TNFAIP8: variants seen among roughly 807,000 people sequenced by gnomAD.
TNFAIP8 encodes tumor necrosis factor alpha-induced protein 8.
Under a neutral mutation model 13.3 loss-of-function variants are expected in TNFAIP8, and 7 were observed. The ratio of observed to expected loss-of-function variants is 0.52; its 90% CI spans 0.30 to 0.99. The LOEUF (loss-of-function observed/expected upper bound fraction) is 0.99, where lower values mean the gene tolerates loss of function less well. Among genes scored for constraint, TNFAIP8 ranks in the 50% least tolerant of loss-of-function variants. The pLI is 0.07. For synonymous variants in TNFAIP8, 94 were observed against 87.6 expected (o/e 1.07, Z -0.41); for missense variants, 258 against 236.9 (o/e 1.09, Z -0.58).
At chr5:119,289,710 A>G (rs73250806) in intron 1 of TNFAIP8, among the ~76,000 whole-genome samples, 1,535 of 152,178 alleles carry the variant, frequency 0.01, 15 homozygotes, top group African/African-American at 0.035. Context: ...TCCAATGCCC[A>G]TTTACCACCT....
At chr5:119,365,038 G>T (rs539271377) in intron 1 of TNFAIP8, among the ~76,000 whole-genome samples, 1 of 151,958 alleles carries the variant, frequency 6.6e-6, no homozygotes, top group East Asian at 1.9e-4. Flanking sequence ...TTTTAGTAAA[G>T]ATGAAGTTTC....
chr5:119,355,243 G>C, upstream of TNFAIP8: 1 of 691,508 alleles, frequency 1.4e-6, no homozygotes, highest in Non-Finnish European at 2.6e-6. Flanking sequence ...AGTTTTTGCT[G>C]GTAGCCGGGA....
At chr5:119,328,369 T>A (rs906640920) in intron 1 of TNFAIP8, among the ~76,000 whole-genome samples, 10 of 152,190 alleles carry the variant, frequency 6.6e-5, no homozygotes, top group African/African-American at 2.4e-4. Context: ...AATAGCCACA[T>A]GGGTAAAACT....
At chr5:119,333,911 A>T (rs188075626) in intron 1 of TNFAIP8, among the ~76,000 whole-genome samples, 1 of 152,284 alleles carries the variant, frequency 6.6e-6, no homozygotes, top group Non-Finnish European at 1.5e-5. Context: ...ACAGATAAAG[A>T]TTTGAAATGT....
intron 1 of TNFAIP8, among the ~76,000 whole-genome samples, chr5:119,364,114 A>C (rs1751738099): frequency 6.6e-6 from 1 of 152,192 alleles, no homozygotes; most frequent in Non-Finnish European, 1.5e-5. Context: ...CTCAGTCTCC[A>C]GCCCGTCTCC....
chr5:119,300,598 T>G (rs1749357529), intron 1 of TNFAIP8, among the ~76,000 whole-genome samples: 1 of 152,190 alleles, frequency 6.6e-6, no homozygotes, highest in South Asian at 2.1e-4. Context: ...TCTAAGGATC[T>G]GTTTTCCAGT....
At chr5:119,333,217 C>G (rs560618133) in intron 1 of TNFAIP8, 68 of 1,007,306 alleles carry the variant, frequency 6.8e-5, no homozygotes, top group Non-Finnish European at 7.9e-5. Context: ...GGTAATCTTG[C>G]ATTTCTATGT....
intron 1 of TNFAIP8, among the ~76,000 whole-genome samples, chr5:119,377,761 A>AT (rs5870855): frequency 0.34 from 50,953 of 151,998 alleles, 9,183 homozygotes; most frequent in African/African-American, 0.48. Context: ...TCACAAATCC[A>AT]AGACCCCACA....
At chr5:119,348,647 G>T (rs184476598) in intron 1 of TNFAIP8, among the ~76,000 whole-genome samples, 33 of 152,116 alleles carry the variant, frequency 2.2e-4, no homozygotes, top group African/African-American at 8.0e-4. Context: ...TTGGGAGGCT[G>T]AGGTGGGTGG....
chr5:119,289,861 G>C (rs1173746942), intron 1 of TNFAIP8, among the ~76,000 whole-genome samples: 1 of 152,174 alleles, frequency 6.6e-6, no homozygotes, highest in Non-Finnish European at 1.5e-5. Context: ...CAGAATTCAG[G>C]CTGCCAGCTG....
At chr5:119,275,084 T>G (rs1392765996) in intron 1 of TNFAIP8, among the ~76,000 whole-genome samples, 1 of 151,534 alleles carries the variant, frequency 6.6e-6, no homozygotes, top group African/African-American at 2.4e-5. Flanking sequence ...TAAAGAAGAT[T>G]AAAATGAACA....
chr5:119,275,013 ATTT>A (rs5870846), intron 1 of TNFAIP8, among the ~76,000 whole-genome samples: 11 of 142,776 alleles, frequency 7.7e-5, no homozygotes, highest in South Asian at 2.2e-4. Flanking sequence ...TTTTTTTTTA[ATTT>A]TTTTTTTTTT....
chr5:119,324,642 TTG>T (rs1750164491), intron 1 of TNFAIP8, among the ~76,000 whole-genome samples: 1 of 152,144 alleles, frequency 6.6e-6, no homozygotes, highest in South Asian at 2.1e-4. Flanking sequence ...CTGCTATGCC[TTG>T]TAACTCACAG....
intron 1 of TNFAIP8, among the ~76,000 whole-genome samples, chr5:119,347,371 G>A (rs910642123): frequency 6.6e-6 from 1 of 152,138 alleles, no homozygotes; most frequent in Non-Finnish European, 1.5e-5. Context: ...AAAATTAAAT[G>A]GCATATGATG....
In TNFAIP8 at chr5:119,393,173, G is replaced by C. The variant is rs1451188832; in HGVS notation, c.389G>C (p.Arg130Thr). Residue 130 changes from arginine to threonine, a missense_variant, in exon 2 of 2, where the codon AGG becomes ACG. Transcript: ENST00000504771. The part of the protein sequence containing the change: ...DYTFDRNVLS[R>T]LLNECREMLH... ...ACCTTTGACCGGAATGTGTTATCCA[G>C]GCTGTTAAATGAATGCAGAGAGATG... is the stretch of plus-strand genomic sequence containing the variant. 6.2e-7 allele frequency: 1 copy of C among 1,613,888 alleles called. No individual in the cohort carries two copies. Among genetic ancestry groups the C allele is most frequent in the African/African-American group, 1.3e-5 (1 of 74,938 alleles).
chr5:119,345,092 AAAC>A (rs1308019068), intron 1 of TNFAIP8, among the ~76,000 whole-genome samples: 2 of 152,216 alleles, frequency 1.3e-5, no homozygotes, highest in African/African-American at 4.8e-5. Flanking sequence ...ACTTAGTTCC[AAAC>A]AACTTAGTAT....
intron 1 of TNFAIP8, among the ~76,000 whole-genome samples, chr5:119,314,956 A>G (rs1220661328): frequency 6.6e-6 from 1 of 152,186 alleles, no homozygotes; most frequent in Non-Finnish European, 1.5e-5. Context: ...ATTTCGGCTT[A>G]CTGCAGCCTC....
At chr5:119,289,677 C>A (rs555575838) in intron 1 of TNFAIP8, among the ~76,000 whole-genome samples, 3 of 152,290 alleles carry the variant, frequency 2.0e-5, no homozygotes, top group Admixed American at 2.0e-4. Flanking sequence ...TCCTCCTGTT[C>A]CCATCACTAA....
chr5:119,287,440 G>A (rs545829087), intron 1 of TNFAIP8, among the ~76,000 whole-genome samples: 42 of 152,148 alleles, frequency 2.8e-4, no homozygotes, highest in African/African-American at 8.9e-4. Flanking sequence ...CATAGTTACC[G>A]TGTGTGTGTA....
Sources: gnomAD v4.1 joint callset for allele counts (sites outside exome capture counted in the v4.1 genomes callset) on GRCh38, gnomAD v4.1.1 for gene constraint, MANE v1.5 for transcripts, NCBI Gene and HGNC (gene_info 2026-07-23, HGNC 2026-07-21) for gene names.